Variants in DTWD2 observed in about 807,000 individuals in gnomAD.
DTWD2 encodes tRNA-uridine aminocarboxypropyltransferase 2.
A neutral mutation model predicts 31.8 loss-of-function variants in DTWD2; 39 were observed. That is an observed-to-expected ratio of 1.22 (90% CI 0.95 to 1.60). The LOEUF is 1.60. DTWD2 is among the 40% of genes most tolerant of loss of function. The pLI, the probability that DTWD2 is intolerant of heterozygous loss-of-function variation, is 0.00. For missense variants in DTWD2, 515 were observed against 381.5 expected (o/e 1.35, Z -2.92); for synonymous variants, 180 against 142.8 (o/e 1.26, Z -1.86).
chr5:118,982,728 G>C (rs191568903), intron 1 of DTWD2, among the ~76,000 whole-genome samples: 7 of 130,042 alleles, frequency 5.4e-5, no homozygotes, highest in African/African-American at 2.1e-4. Context: ...TCGCTCTGTC[G>C]CCGAGGCTGG....
chr5:118,882,109 G>T (rs1752754823), intron 4 of DTWD2, among the ~76,000 whole-genome samples: 1 of 152,226 alleles, frequency 6.6e-6, no homozygotes, highest in South Asian at 2.1e-4. Flanking sequence ...TACAATGGGA[G>T]TACAGGCATT....
At chr5:118,917,616 T>C (rs993137840) in intron 4 of DTWD2, among the ~76,000 whole-genome samples, 1 of 152,128 alleles carries the variant, frequency 6.6e-6, no homozygotes, top group Non-Finnish European at 1.5e-5. Context: ...GAAGCAAACA[T>C]GTCCTTCACA....
intron 4 of DTWD2, among the ~76,000 whole-genome samples, chr5:118,881,722 A>G (rs578089408): frequency 3.7e-4 from 56 of 152,142 alleles, no homozygotes; most frequent in Non-Finnish European, 7.2e-4. Context: ...AGAGAGAGAG[A>G]GCACAATAGA....
At chr5:118,951,589 T>C (rs1222646400) in intron 1 of DTWD2, among the ~76,000 whole-genome samples, 6 of 152,174 alleles carry the variant, frequency 3.9e-5, no homozygotes, top group East Asian at 1.9e-4. Flanking sequence ...CAAGTTTGTA[T>C]TGGGGTCAAG....
At position 118,983,576 on chromosome 5, in the gene DTWD2, A is replaced by G. The variant is rs560207797; in HGVS notation, c.218+4718T>C. On this transcript the variant is annotated intron_variant, in intron 1 of 5. Transcript: ENST00000510708. ...TTTTTCCTCCAGAATATCCAAGCCT[A>G]AAGAATAAGGAAAAGGTAATGATAT... Among the ~76,000 whole-genome samples, 490 of 152,220 alleles carry G rather than the reference A, an allele frequency of 3.2e-3. 2 individuals are homozygous for G. Among genetic ancestry groups the G allele is most frequent in the African/African-American group, 0.012 (480 of 41,524 alleles).
At chr5:118,841,219 G>A in intron 5 of DTWD2, 132 bp from the exon 6 acceptor site, 3 of 891,440 alleles carry the variant, frequency 3.4e-6, no homozygotes, top group Non-Finnish European at 5.0e-6. Flanking sequence ...AGAAACACTA[G>A]GCACTCTGAT....
intron 4 of DTWD2, among the ~76,000 whole-genome samples, chr5:118,855,027 C>T (rs552885892): frequency 6.6e-5 from 10 of 151,510 alleles, no homozygotes; most frequent in Non-Finnish European, 1.3e-4. Flanking sequence ...GTTAGCCAAG[C>T]GTGGTGGCAT....
At chr5:118,959,762 G>A (rs1004838804) in intron 1 of DTWD2, among the ~76,000 whole-genome samples, 7 of 152,104 alleles carry the variant, frequency 4.6e-5, no homozygotes, top group East Asian at 3.8e-4. Context: ...CAGACATACA[G>A]ATTAATGGTA....
chr5:118,969,801 A>G (rs1475609220), intron 1 of DTWD2, among the ~76,000 whole-genome samples: 1 of 152,188 alleles, frequency 6.6e-6, no homozygotes, highest in Non-Finnish European at 1.5e-5. Context: ...ACACCTCTCC[A>G]GCATGGGTAC....
intron 5 of DTWD2, among the ~76,000 whole-genome samples, chr5:118,846,924 A>AGG (rs1465533637): frequency 8.5e-5 from 5 of 58,638 alleles, no homozygotes; most frequent in African/African-American, 2.4e-4. Flanking sequence ...ACACAGGCAC[A>AGG]CACACACACA....
intron 2 of DTWD2, 62 bp downstream of exon 2, chr5:118,944,497 C>G: frequency 1.3e-6 from 2 of 1,495,882 alleles, no homozygotes; most frequent in South Asian, 1.2e-5. Context: ...GTATGTTTAT[C>G]TTCGTGTTTC....
At chr5:118,854,024 A>C (rs1034328847) in intron 4 of DTWD2, among the ~76,000 whole-genome samples, 2 of 152,206 alleles carry the variant, frequency 1.3e-5, no homozygotes. Flanking sequence ...GGAAAATTTT[A>C]AATTGGTAAA....
At chr5:118,910,633 T>C (rs1054916291) in intron 4 of DTWD2, among the ~76,000 whole-genome samples, 2 of 152,198 alleles carry the variant, frequency 1.3e-5, no homozygotes, top group Non-Finnish European at 2.9e-5. Context: ...CTCCCCATTA[T>C]CCAGTTCCGA....
At chr5:118,847,257 A>G (rs568122640) in intron 5 of DTWD2, among the ~76,000 whole-genome samples, 1 of 151,990 alleles carries the variant, frequency 6.6e-6, no homozygotes, top group Non-Finnish European at 1.5e-5. Context: ...AGGAAAGAGT[A>G]CCTCTTTCGC....
chr5:118,941,897 T>C (rs1053792774), intron 2 of DTWD2, among the ~76,000 whole-genome samples: 2 of 152,228 alleles, frequency 1.3e-5, no homozygotes, highest in African/African-American at 4.8e-5. Context: ...GATATCTCAT[T>C]GTGGTTTTGA....
intron 1 of DTWD2, among the ~76,000 whole-genome samples, chr5:118,950,308 C>T (rs1754434492): frequency 6.6e-6 from 1 of 150,510 alleles, no homozygotes; most frequent in African/African-American, 2.5e-5. Flanking sequence ...TCAATACCTA[C>T]AACAGTTATG....
At chr5:118,895,039 C>T (rs938970563) in intron 4 of DTWD2, among the ~76,000 whole-genome samples, 5 of 151,974 alleles carry the variant, frequency 3.3e-5, no homozygotes, top group Non-Finnish European at 7.4e-5. Context: ...AAATAAAGAA[C>T]CTCCAAACTG....
chr5:118,906,316 A>G (rs2149568338), intron 4 of DTWD2, among the ~76,000 whole-genome samples: 1 of 152,284 alleles, frequency 6.6e-6, no homozygotes. Flanking sequence ...AAATGCACCT[A>G]CCACAGAATT....
chr5:118,845,682 A>G (rs1459125367), intron 5 of DTWD2, among the ~76,000 whole-genome samples: 4 of 152,168 alleles, frequency 2.6e-5, no homozygotes, highest in African/African-American at 4.8e-5. Flanking sequence ...AGACCTCACT[A>G]TTACTTTGGG....
Sources: gnomAD v4.1 joint callset for allele counts (sites outside exome capture counted in the v4.1 genomes callset) on GRCh38, gnomAD v4.1.1 for gene constraint, MANE v1.5 for transcripts, NCBI Gene and HGNC (gene_info 2026-07-23, HGNC 2026-07-21) for gene names.